The following SPATA6 variants were observed in gnomAD, a reference collection of about 807,000 sequenced individuals.
SPATA6 encodes spermatogenesis associated 6.
A neutral mutation model predicts 65.3 loss-of-function variants in SPATA6; 56 were observed. That is an observed-to-expected ratio of 0.86 (90% CI 0.69 to 1.07). The LOEUF is 1.07. Among genes scored for constraint, SPATA6 ranks in the 50% least tolerant of loss-of-function variants. The pLI is 0.00. For missense variants in SPATA6, 590 were observed against 594.8 expected (o/e 0.99, Z 0.08); for synonymous variants, 199 against 213.2 (o/e 0.93, Z 0.58).
intron 5 of SPATA6, 48 bp from the exon 6 acceptor site, chr1:48,403,930 G>A: frequency 7.7e-7 from 1 of 1,305,628 alleles, no homozygotes; most frequent in Non-Finnish European, 1.1e-6. Context: ...TTTAAATAGA[G>A]ATAATTATTA....
intron 3 of SPATA6, among the ~76,000 whole-genome samples, chr1:48,426,953 T>C (rs528138139): frequency 6.6e-6 from 1 of 151,124 alleles, no homozygotes; most frequent in Non-Finnish European, 1.5e-5. Flanking sequence ...AGAGATAGGG[T>C]CTCACTCTGT....
intron 12 of SPATA6, among the ~76,000 whole-genome samples, chr1:48,301,829 C>G (rs192737855): frequency 1.3e-5 from 2 of 151,920 alleles, no homozygotes; most frequent in African/African-American, 4.8e-5. Context: ...TATTCATATG[C>G]AAAAAAATAA....
intron 11 of SPATA6, among the ~76,000 whole-genome samples, chr1:48,311,745 G>A (rs201406980): frequency 2.6e-4 from 39 of 152,254 alleles, no homozygotes; most frequent in East Asian, 1.7e-3. Context: ...GCAGTGCACC[G>A]AGCGTGAGCC....
chr1:48,453,436 T>G (rs900904548), intron 1 of SPATA6, among the ~76,000 whole-genome samples: 4 of 152,214 alleles, frequency 2.6e-5, no homozygotes, highest in African/African-American at 9.6e-5. Flanking sequence ...GGCTCCCACT[T>G]TATGCTGAAT....
chr1:48,267,669 G>C, the SPATA6 span, among the ~76,000 whole-genome samples: 6 of 149,754 alleles, frequency 4.0e-5, no homozygotes, highest in Admixed American at 4.0e-4. Context: ...TGCTCCTCTT[G>C]ATATCCAGCC....
intron 12 of SPATA6, among the ~76,000 whole-genome samples, chr1:48,301,770 C>T (rs1644945111): frequency 2.6e-5 from 4 of 152,070 alleles, no homozygotes; most frequent in Admixed American, 2.6e-4. Flanking sequence ...CAAGCACATA[C>T]ATTGGGGAAA....
At chr1:48,367,625 CT>C (rs1222221169) in intron 9 of SPATA6, among the ~76,000 whole-genome samples, 9 of 151,892 alleles carry the variant, frequency 5.9e-5, no homozygotes, top group Non-Finnish European at 1.3e-4. Flanking sequence ...CAACCCCTGC[CT>C]TTTTTTGTTT....
chr1:48,336,741 AC>A (rs1331744483), intron 11 of SPATA6, among the ~76,000 whole-genome samples: 10 of 152,020 alleles, frequency 6.6e-5, no homozygotes. Flanking sequence ...TCATGAATTT[AC>A]CTATATAACA....
At chr1:48,319,605 G>A (rs934176168) in intron 11 of SPATA6, among the ~76,000 whole-genome samples, 4 of 152,150 alleles carry the variant, frequency 2.6e-5, no homozygotes, top group Non-Finnish European at 5.9e-5. Flanking sequence ...GCAGAGCTAG[G>A]AAAGGTTCCC....
At chr1:48,321,380 AC>A (rs1645594875) in intron 11 of SPATA6, among the ~76,000 whole-genome samples, 1 of 152,202 alleles carries the variant, frequency 6.6e-6, no homozygotes, top group African/African-American at 2.4e-5. Flanking sequence ...AAGTAGCTAA[AC>A]TGATATCAGA....
At chr1:48,332,529 G>C (rs921670253) in intron 11 of SPATA6, among the ~76,000 whole-genome samples, 4 of 152,034 alleles carry the variant, frequency 2.6e-5, no homozygotes, top group African/African-American at 9.7e-5. Context: ...TCAACAAGAA[G>C]ACCTAAATTA....
At chr1:48,284,954 G>A in the SPATA6 span, among the ~76,000 whole-genome samples, 3 of 152,152 alleles carry the variant, frequency 2.0e-5, no homozygotes, top group Admixed American at 6.5e-5. Context: ...GAGCTCGAGC[G>A]CTGTGCTGAG....
chr1:48,416,250 A>G (rs2148001322), intron 3 of SPATA6, among the ~76,000 whole-genome samples: 1 of 152,260 alleles, frequency 6.6e-6, no homozygotes, highest in South Asian at 2.1e-4. Flanking sequence ...CCAAAGGGAA[A>G]AAATACTGAA....
chr1:48,331,115 G>C (rs1390371451), intron 11 of SPATA6, among the ~76,000 whole-genome samples: 1 of 152,152 alleles, frequency 6.6e-6, no homozygotes, highest in Non-Finnish European at 1.5e-5. Context: ...CTGAAAGAAC[G>C]TAAGACCACA....
chr1:48,322,018 A>G (rs1645612256), intron 11 of SPATA6, among the ~76,000 whole-genome samples: 1 of 152,170 alleles, frequency 6.6e-6, no homozygotes, highest in South Asian at 2.1e-4. Flanking sequence ...AGCAGTACTA[A>G]GAGGAAAGCT....
At chr1:48,276,408 T>G in the SPATA6 span, among the ~76,000 whole-genome samples, 9 of 152,344 alleles carry the variant, frequency 5.9e-5, no homozygotes, top group South Asian at 1.9e-3. Flanking sequence ...GTTCTCTAGT[T>G]CTTTTAATTA....
intron 4 of SPATA6, among the ~76,000 whole-genome samples, chr1:48,411,837 T>C (rs972132341): frequency 2.0e-5 from 3 of 152,000 alleles, no homozygotes; most frequent in East Asian, 1.9e-4. Context: ...CATCTCCACA[T>C]TGGTTTTTGT....
chr1:48,445,463 A>G (rs977332702), intron 3 of SPATA6, among the ~76,000 whole-genome samples: 4 of 152,118 alleles, frequency 2.6e-5, no homozygotes, highest in Non-Finnish European at 5.9e-5. Context: ...GATCGAGACC[A>G]TCCTGGCTAA....
At chr1:48,415,427 T>C (rs1184181905) in intron 3 of SPATA6, among the ~76,000 whole-genome samples, 1 of 152,150 alleles carries the variant, frequency 6.6e-6, no homozygotes, top group Non-Finnish European at 1.5e-5. Context: ...TGTTTTTGGT[T>C]TTTGTTTTTG....
Sources: allele counts gnomAD v4.1 joint callset (sites outside exome capture counted in the v4.1 genomes callset), GRCh38; gene constraint gnomAD v4.1.1; transcripts MANE v1.5; gene names NCBI Gene and HGNC (gene_info 2026-07-23, HGNC 2026-07-21).